The following NLGN1 variants were observed in gnomAD, a reference collection of about 807,000 sequenced individuals.
NLGN1 encodes the protein neuroligin-1.
A neutral mutation model predicts 65.5 loss-of-function variants in NLGN1; 12 were observed. That is an observed-to-expected ratio of 0.18 (90% CI 0.12 to 0.30). The LOEUF (loss-of-function observed/expected upper bound fraction) is 0.30. Ranked by LOEUF, NLGN1 falls within the 10% of genes least tolerant of loss-of-function variation. The pLI is 1.00. For missense variants in NLGN1, 750 were observed against 1,007.1 expected (o/e 0.74, Z 3.46); for synonymous variants, 350 against 359.5 (o/e 0.97, Z 0.30).
At chr3:173,668,871 G>A (rs1014607406) in intron 3 of NLGN1, among the ~76,000 whole-genome samples, 9 of 152,110 alleles carry the variant, frequency 5.9e-5, no homozygotes, top group African/African-American at 1.9e-4. Context: ...TGATCCGCCC[G>A]CCTCGGCCTC....
intron 4 of NLGN1, among the ~76,000 whole-genome samples, chr3:174,254,643 C>T (rs1027890928): frequency 6.6e-6 from 1 of 151,896 alleles, no homozygotes; most frequent in Non-Finnish European, 1.5e-5. Context: ...ATTTTATCTA[C>T]GTAATGTCAG....
intron 4 of NLGN1, among the ~76,000 whole-genome samples, chr3:174,258,446 T>C (rs534945565): frequency 2.9e-4 from 44 of 152,274 alleles, no homozygotes; most frequent in African/African-American, 1.1e-3. Context: ...GTAAAAGTGA[T>C]GAAAAAGAAA....
chr3:173,872,041 G>T (rs1332035751), intron 4 of NLGN1, among the ~76,000 whole-genome samples: 1 of 152,076 alleles, frequency 6.6e-6, no homozygotes, highest in African/African-American at 2.4e-5. Flanking sequence ...GTGAGGGGGG[G>T]AGTCAGGGCT....
intron 2 of NLGN1, among the ~76,000 whole-genome samples, chr3:173,574,305 A>G (rs1745163823): frequency 6.6e-6 from 1 of 151,982 alleles, no homozygotes; most frequent in Admixed American, 6.5e-5. Flanking sequence ...TAACTAAAGT[A>G]TAGTTGATTA....
In NLGN1 at chr3:173,449,611, A is replaced by G. The variant is rs566853654; in HGVS notation, c.-321+14533A>G. 4.1e-3 allele frequency among the ~76,000 whole-genome samples: 617 copies of G among 152,150 alleles called. 1 individual carries two copies. The highest frequency in any genetic ancestry group is 4.9e-3 in the Non-Finnish European group (333 of 68,000). On this transcript the variant is annotated intron_variant, in intron 2 of 6. Transcript: ENST00000457714. ...GTGCAGAGCTGAGTTCAGTTCCTGG[A>G]TATCCTTGTTAACTTTCTGTCTCGT...
At chr3:173,858,958 T>C (rs1728540855) in intron 4 of NLGN1, among the ~76,000 whole-genome samples, 1 of 152,052 alleles carries the variant, frequency 6.6e-6, no homozygotes, top group Non-Finnish European at 1.5e-5. Flanking sequence ...TTGTCTAAAA[T>C]AAAACTTTCT....
intron 4 of NLGN1, among the ~76,000 whole-genome samples, chr3:174,234,683 T>C (rs1741336561): frequency 6.6e-6 from 1 of 152,200 alleles, no homozygotes; most frequent in Admixed American, 6.5e-5. Context: ...GCCTATCACC[T>C]GATGGTTGCC....
intron 4 of NLGN1, among the ~76,000 whole-genome samples, chr3:174,023,850 G>GACATAAA (rs1260423584): frequency 6.6e-6 from 1 of 152,148 alleles, no homozygotes; most frequent in Non-Finnish European, 1.5e-5. Flanking sequence ...AGCAGCTGTG[G>GACATAAA]ATTTTATGTG....
At chr3:173,892,750 G>T (rs1483200186) in intron 4 of NLGN1, among the ~76,000 whole-genome samples, 1 of 151,758 alleles carries the variant, frequency 6.6e-6, no homozygotes, top group Non-Finnish European at 1.5e-5. Flanking sequence ...GCAGGAAAAT[G>T]TGAGGACACA....
chr3:174,027,971 T>G (rs909920343), intron 4 of NLGN1, among the ~76,000 whole-genome samples: 1 of 152,150 alleles, frequency 6.6e-6, no homozygotes, highest in Admixed American at 6.5e-5. Context: ...TGTTAGTGAA[T>G]AAGTCTGATG....
chr3:174,152,649 A>AAT (rs941693080), intron 4 of NLGN1, among the ~76,000 whole-genome samples: 4 of 151,772 alleles, frequency 2.6e-5, no homozygotes, highest in African/African-American at 9.7e-5. Flanking sequence ...GTATAATAAA[A>AAT]ATATATATAT....
At chr3:174,065,991 T>C (rs887723562) in intron 4 of NLGN1, among the ~76,000 whole-genome samples, 2 of 152,216 alleles carry the variant, frequency 1.3e-5, no homozygotes, top group Non-Finnish European at 2.9e-5. Context: ...ATAGAAACTA[T>C]GATGTAATAA....
intron 3 of NLGN1, among the ~76,000 whole-genome samples, chr3:173,667,269 GT>G (rs1420192641): frequency 1.6e-4 from 15 of 93,930 alleles, no homozygotes; most frequent in Non-Finnish European, 6.3e-5. Flanking sequence ...ACACACACAC[GT>G]ACAGCACTGT....
chr3:173,415,473 A>G (rs774824471), intron 1 of NLGN1, among the ~76,000 whole-genome samples: 21 of 152,204 alleles, frequency 1.4e-4, no homozygotes, highest in Non-Finnish European at 2.8e-4. Flanking sequence ...TGCATAGTAC[A>G]CTGGGATTGA....
Position 173,639,990 on chromosome 3 carries a change from GC to G in NLGN1, c.493+34900del, listed in dbSNP as rs1014200203. On this transcript the variant is annotated intron_variant, in intron 3 of 6. Coordinates refer to ENST00000457714, the Ensembl canonical transcript of NLGN1. ...CCCTTCTTTCCTCCTTCCATGTTTA[GC>G]TTTTATTGAAAGTCTAAACTGCAAT... Among the ~76,000 whole-genome samples, 15 of 148,228 alleles carry G rather than the reference GC, an allele frequency of 1.0e-4. 1 individual carries two copies. The highest frequency in any genetic ancestry group is 1.0e-3 in the Admixed American group (15 of 14,824).
chr3:173,620,477 G>A (rs1313422899), intron 3 of NLGN1, among the ~76,000 whole-genome samples: 4 of 152,064 alleles, frequency 2.6e-5, no homozygotes, highest in Non-Finnish European at 5.9e-5. Flanking sequence ...AAGAAGGCAG[G>A]ATAGGGAAGA....
intron 3 of NLGN1, among the ~76,000 whole-genome samples, chr3:173,766,229 C>T (rs1311979818): frequency 6.6e-6 from 1 of 151,852 alleles, no homozygotes; most frequent in African/African-American, 2.4e-5. Flanking sequence ...GGTGGGATTA[C>T]AGACACCCAC....
At chr3:173,834,052 G>C (rs558891257) in intron 4 of NLGN1, among the ~76,000 whole-genome samples, 2 of 152,102 alleles carry the variant, frequency 1.3e-5, no homozygotes, top group South Asian at 4.2e-4. Flanking sequence ...TTTGGTACAT[G>C]AAAGAAAAAA....
intron 2 of NLGN1, among the ~76,000 whole-genome samples, chr3:173,492,570 A>G (rs1240266907): frequency 2.0e-5 from 3 of 151,886 alleles, no homozygotes; most frequent in Non-Finnish European, 2.9e-5. Context: ...TAGTGTGCAT[A>G]TATGTGGCTC....
Sources: allele counts gnomAD v4.1 joint callset (sites outside exome capture counted in the v4.1 genomes callset), GRCh38; gene constraint gnomAD v4.1.1; transcripts MANE v1.5; gene names NCBI Gene and HGNC (gene_info 2026-07-23, HGNC 2026-07-21).